Variants in AGTPBP1 observed in about 807,000 individuals in gnomAD.
AGTPBP1 encodes cytosolic carboxypeptidase 1.
AGTPBP1 carries 70 observed loss-of-function variants against 143.9 expected under a neutral mutation model. The ratio of observed to expected loss-of-function variants is 0.49; its 90% CI spans 0.40 to 0.59. AGTPBP1 has a LOEUF of 0.59. AGTPBP1 is among the 20% of genes least tolerant of loss of function. The probability of loss-of-function intolerance (pLI) is 0.00; values close to 1 mark genes in which losing one functional copy is unlikely to be tolerated. For missense variants in AGTPBP1, 1,229 were observed against 1,464.5 expected (o/e 0.84, Z 2.62); for synonymous variants, 463 against 500.2 (o/e 0.93, Z 0.99).
At chr9:85,734,208 G>C (rs531937446) in intron 1 of AGTPBP1, among the ~76,000 whole-genome samples, 15 of 152,044 alleles carry the variant, frequency 9.9e-5, no homozygotes, top group African/African-American at 3.6e-4. Flanking sequence ...AGCCAAGATG[G>C]CACCACTGCA....
chr9:85,605,275 A>G (rs1383615518), intron 17 of AGTPBP1, among the ~76,000 whole-genome samples: 2 of 152,326 alleles, frequency 1.3e-5, no homozygotes, highest in East Asian at 1.9e-4. Context: ...AGGAACTCCA[A>G]TATATCTGGT....
chr9:85,680,279 G>A (rs1194045273), intron 4 of AGTPBP1, among the ~76,000 whole-genome samples: 1 of 151,894 alleles, frequency 6.6e-6, no homozygotes. Flanking sequence ...CTCCCCATTT[G>A]GACTTTAAAA....
At chr9:85,562,884 G>A (rs1173475832) in intron 25 of AGTPBP1, among the ~76,000 whole-genome samples, 11 of 152,078 alleles carry the variant, frequency 7.2e-5, no homozygotes, top group South Asian at 4.2e-4. Flanking sequence ...ATTAGGAGGC[G>A]GGCCTTTGGG....
chr9:85,722,141 ATG>A (rs1239996055), intron 1 of AGTPBP1, among the ~76,000 whole-genome samples: 10 of 151,956 alleles, frequency 6.6e-5, no homozygotes, highest in Admixed American at 6.6e-4. Context: ...TCTGACAATT[ATG>A]TGTCTTGGGG....
At chr9:85,562,424 G>C (rs1277076518) in intron 25 of AGTPBP1, among the ~76,000 whole-genome samples, 1 of 152,102 alleles carries the variant, frequency 6.6e-6, no homozygotes, top group African/African-American at 2.4e-5. Flanking sequence ...TAAACAAAAA[G>C]ATAGCTTACG....
intron 1 of AGTPBP1, among the ~76,000 whole-genome samples, chr9:85,731,073 C>T (rs1838848016): frequency 6.6e-6 from 1 of 152,134 alleles, no homozygotes; most frequent in African/African-American, 2.4e-5. Context: ...AGGAATCGTA[C>T]AATATCCTCA....
At chr9:85,788,659 T>A in the AGTPBP1 span, among the ~76,000 whole-genome samples, 1 of 149,546 alleles carries the variant, frequency 6.7e-6, no homozygotes, top group Non-Finnish European at 1.5e-5. Context: ...CACTTGTATA[T>A]ATATAGTATT....
intron 3 of AGTPBP1, among the ~76,000 whole-genome samples, chr9:85,683,181 A>C (rs544703290): frequency 1.2e-3 from 179 of 152,310 alleles, no homozygotes; most frequent in African/African-American, 4.3e-3. Flanking sequence ...TACCTAGAAC[A>C]AAAGGAAAAA....
At chr9:85,802,361 G>C in the AGTPBP1 span, among the ~76,000 whole-genome samples, 2 of 152,110 alleles carry the variant, frequency 1.3e-5, no homozygotes, top group Non-Finnish European at 1.5e-5. Context: ...ATACTTGCCT[G>C]GTCAAATCTC....
intron 17 of AGTPBP1, among the ~76,000 whole-genome samples, chr9:85,608,713 T>C (rs1564059957): frequency 6.6e-6 from 1 of 151,572 alleles, no homozygotes; most frequent in Admixed American, 6.6e-5. Flanking sequence ...CACAATACAT[T>C]CACAAAAACT....
Position 85,692,787 on chromosome 9 carries a change from C to T in AGTPBP1, c.59G>A (p.Gly20Glu). ...GATCTTCTCCAGTTGAGCCAGGAGT[C>T]CTACGATCCTAGAATTATTGGTAAG... The part of the protein sequence containing the change: ...KSLTNNSRIV[G>E]LLAQLEKINA... Residue 20 changes from glycine (G) to glutamate (E), a missense_variant, in exon 3 of 26, where the codon GGA (glycine) becomes GAA (glutamate). Coordinates refer to ENST00000357081, the MANE Select transcript of AGTPBP1 (RefSeq NM_001330701.2). The T allele has an allele frequency of 6.2e-7, 1 of 1,613,828 alleles. No individual in the cohort carries two copies. Among genetic ancestry groups the T allele is most frequent in the South Asian group, 1.1e-5 (1 of 91,064 alleles).
At chr9:85,555,109 T>C (rs1826254002) in intron 25 of AGTPBP1, among the ~76,000 whole-genome samples, 1 of 152,150 alleles carries the variant, frequency 6.6e-6, no homozygotes, top group South Asian at 2.1e-4. Flanking sequence ...AGATGCAACA[T>C]TTGAAGAGCT....
upstream of AGTPBP1, among the ~76,000 whole-genome samples, chr9:85,745,566 A>G (rs76201648): frequency 1.3e-5 from 2 of 152,376 alleles, no homozygotes; most frequent in Non-Finnish European, 2.9e-5. Flanking sequence ...CTGAATCTAA[A>G]TGAATGCGGC....
At chr9:85,784,320 C>T in the AGTPBP1 span, among the ~76,000 whole-genome samples, 21 of 152,278 alleles carry the variant, frequency 1.4e-4, no homozygotes, top group African/African-American at 3.1e-4. Context: ...AAGTGGGCTC[C>T]GGAGTGAGCC....
At chr9:85,745,482 C>T (rs117305613), upstream of AGTPBP1, among the ~76,000 whole-genome samples, 1,927 of 152,324 alleles carry the variant, frequency 0.013, 23 homozygotes, top group Middle Eastern at 0.031. Flanking sequence ...AAATACCTAA[C>T]CACTGCCTTG....
intron 3 of AGTPBP1, among the ~76,000 whole-genome samples, 199 bp downstream of exon 3, chr9:85,692,490 G>A (rs1406253991): frequency 6.6e-6 from 1 of 151,818 alleles, no homozygotes; most frequent in Non-Finnish European, 1.5e-5. Context: ...GGCCAGGCTG[G>A]TCTCAAAACT....
intron 2 of AGTPBP1, among the ~76,000 whole-genome samples, chr9:85,706,793 G>A (rs929874274): frequency 3.3e-5 from 5 of 151,548 alleles, no homozygotes; most frequent in African/African-American, 9.7e-5. Flanking sequence ...GGAGAATGGC[G>A]TAAACCCGGG....
the AGTPBP1 span, among the ~76,000 whole-genome samples, chr9:85,755,727 G>A: frequency 2.0e-5 from 3 of 152,200 alleles, no homozygotes; most frequent in Admixed American, 6.5e-5. Flanking sequence ...AGCCACCAGT[G>A]TAAGTGCTGT....
At chr9:85,692,257 A>C (rs900939557) in intron 3 of AGTPBP1, among the ~76,000 whole-genome samples, 1 of 151,634 alleles carries the variant, frequency 6.6e-6, no homozygotes, top group Non-Finnish European at 1.5e-5. Context: ...ACTCGAGTCA[A>C]TTTGAGAAAG....
Sources: allele counts gnomAD v4.1 joint callset (sites outside exome capture counted in the v4.1 genomes callset), GRCh38; gene constraint gnomAD v4.1.1; transcripts MANE v1.5; gene names NCBI Gene and HGNC (gene_info 2026-07-23, HGNC 2026-07-21).